SNRNP48: variants seen among roughly 807,000 people sequenced by gnomAD.
SNRNP48 encodes U11/U12 small nuclear ribonucleoprotein 48 kDa protein.
A neutral mutation model predicts 47.0 loss-of-function variants in SNRNP48; 43 were observed. That is an observed-to-expected ratio of 0.92 (90% CI 0.72 to 1.18). SNRNP48 has a LOEUF of 1.18. SNRNP48 is among the 50% of genes most tolerant of loss of function. SNRNP48 has a pLI of 0.00. For synonymous variants in SNRNP48, 138 were observed against 144.0 expected, an observed-to-expected ratio of 0.96 and a Z score of 0.30; for missense variants, 396 against 422.2, an observed-to-expected ratio of 0.94 and a Z score of 0.54.
chr6:7,608,338 C>A (rs1321084788), intron 8 of SNRNP48, among the ~76,000 whole-genome samples: 1 of 152,024 alleles, frequency 6.6e-6, no homozygotes, highest in Non-Finnish European at 1.5e-5. Context: ...GGGTGGATCA[C>A]CTGAGGTCAG....
chr6:7,606,782 C>A (rs555762037), intron 8 of SNRNP48, among the ~76,000 whole-genome samples: 14 of 149,762 alleles, frequency 9.3e-5, no homozygotes, highest in Middle Eastern at 6.8e-3. Flanking sequence ...ACTAAACTTA[C>A]CTTTTTCTCA....
Position 7,608,988 on chromosome 6 carries a change from TTA to T in SNRNP48, c.*117_*118del. The T allele has an allele frequency of 2.0e-6, 1 of 492,924 alleles. No individual in the cohort carries two copies. The highest frequency in any genetic ancestry group is 3.4e-6 in the Non-Finnish European group (1 of 295,440). 30.5% of individuals were successfully genotyped at this position (492,924 alleles called of 1,614,324 possible). ...GTTTTTATGATCTGTTTAGTGCTTA[TTA>T]TTTTTTTTATGATCTGTTTAGTGCT... On this transcript the variant is annotated 3_prime_UTR_variant, in exon 9 of 9. Transcript: ENST00000342415.
At chr6:7,594,223 A>G (rs1213418679) in intron 3 of SNRNP48, 64 bp downstream of exon 3, 10 of 788,740 alleles carry the variant, frequency 1.3e-5, no homozygotes, top group Non-Finnish European at 1.9e-5. Flanking sequence ...TCATTTTTGC[A>G]TTATGAAAAG....
chr6:7,602,954 A>G (rs901950279), intron 6 of SNRNP48, among the ~76,000 whole-genome samples: 2 of 152,190 alleles, frequency 1.3e-5, no homozygotes, highest in Non-Finnish European at 2.9e-5. Context: ...CAATTGTACA[A>G]TCTTAAAAGA....
chr6:7,596,317 A>G (rs1759904436), intron 4 of SNRNP48, among the ~76,000 whole-genome samples: 1 of 152,174 alleles, frequency 6.6e-6, no homozygotes, highest in Non-Finnish European at 1.5e-5. Flanking sequence ...TAAATTTCTA[A>G]TGAATGTAGA....
At chr6:7,598,352 A>C (rs1581835915) in intron 4 of SNRNP48, among the ~76,000 whole-genome samples, 1 of 151,892 alleles carries the variant, frequency 6.6e-6, no homozygotes, top group South Asian at 2.1e-4. Context: ...AAAATTAGCC[A>C]GGCGCTATGG....
rs1005413132 is a variant in SNRNP48, at chr6:7,610,750, A to G, written c.*1877A>G. ...TTTTATAGTATCACTGCTACAAACTATTTAATGAAATGTGGCATCGGGTGA... is the reference window on the plus strand; with the variant it reads ...TTTTATAGTATCACTGCTACAAACTGTTTAATGAAATGTGGCATCGGGTGA... On this transcript the variant is annotated 3_prime_UTR_variant, in exon 9 of 9. Coordinates refer to ENST00000342415, the MANE Select transcript of SNRNP48 (RefSeq NM_152551.4). 3 of 152,192 alleles carry G rather than the reference A, an allele frequency of 2.0e-5. No individual in the cohort carries two copies. Among genetic ancestry groups the G allele is most frequent in the African/African-American group, 7.2e-5 (3 of 41,458 alleles). 9.4% of individuals were successfully genotyped at this position (152,192 alleles called of 1,614,324 possible). A position where few individuals can be genotyped will look rare whatever the true frequency, so the allele number is the denominator to read the frequency against.
intron 4 of SNRNP48, among the ~76,000 whole-genome samples, chr6:7,599,343 A>C (rs1759969180): frequency 6.6e-6 from 1 of 152,182 alleles, no homozygotes; most frequent in African/African-American, 2.4e-5. Context: ...AGTTCTAGAG[A>C]TGGATAGAGG....
chr6:7,608,001 T>C (rs1438965122), intron 8 of SNRNP48, among the ~76,000 whole-genome samples: 1 of 152,246 alleles, frequency 6.6e-6, no homozygotes, highest in Non-Finnish European at 1.5e-5. Flanking sequence ...TAAGTAATTT[T>C]TGACATCTCT....
rs760402453 is a variant in SNRNP48, at chr6:7,605,407, G to C, written c.727G>C (p.Asp243His). 136 of 1,613,870 alleles carry C rather than the reference G, an allele frequency of 8.4e-5. No homozygotes were observed. The highest frequency in any genetic ancestry group is 1.0e-4 in the Non-Finnish European group (123 of 1,179,944). ...GCTTACCTCTCCCAAGGTGATTCGA[G>C]ATGTGATAAATGTGCACATGGAAGA... is the stretch of plus-strand genomic sequence containing the variant. The part of the protein sequence containing the change: ...TKKSYTEVIR[D>H]VINVHMEELS... The change falls in exon 7 of 9, where the codon GAT (aspartate) becomes CAT (histidine). Residue 243 changes from aspartate (D) to histidine (H), a missense_variant. Physicochemically the swap from Asp to His is moderately conservative, Grantham distance 81 (BLOSUM62 -1). Transcript: ENST00000342415.
At chr6:7,595,153 T>A in intron 4 of SNRNP48, 52 bp downstream of exon 4, 1 of 1,434,172 alleles carries the variant, frequency 7.0e-7, no homozygotes, top group South Asian at 1.3e-5. Flanking sequence ...ATTATTTTTC[T>A]CATAAGCATG....
intron 8 of SNRNP48, 22 bp from the exon 9 acceptor site, chr6:7,608,803 T>C (rs769763447): frequency 6.2e-6 from 9 of 1,448,286 alleles, no homozygotes; most frequent in Non-Finnish European, 7.5e-6. Context: ...ATAACCATTT[T>C]TTTATACCTC....
chr6:7,611,520 A>G lies in SNRNP48; in HGVS notation c.*2647A>G, dbSNP rs997597540. 2.0e-5 allele frequency: 3 copies of G among 152,204 alleles called. No individual in the cohort carries two copies. The highest frequency in any genetic ancestry group is 4.4e-5 in the Non-Finnish European group (3 of 68,030). 9.4% of individuals were successfully genotyped at this position (152,204 alleles called of 1,614,324 possible). On this transcript the variant is annotated 3_prime_UTR_variant, in exon 9 of 9. Coordinates refer to ENST00000342415, the MANE Select transcript of SNRNP48 (RefSeq NM_152551.4). ...TCAACTGCCATGCAGAGCCCAGGGCACTGGTTATATTCAGTAGGAAACTGA... is the reference window on the plus strand; with the variant it reads ...TCAACTGCCATGCAGAGCCCAGGGCGCTGGTTATATTCAGTAGGAAACTGA...
At chr6:7,601,973 C>G (rs1760031815) in intron 5 of SNRNP48, among the ~76,000 whole-genome samples, 1 of 152,138 alleles carries the variant, frequency 6.6e-6, no homozygotes, top group Admixed American at 6.5e-5. Context: ...CGTGCCTCAG[C>G]CTCCTGAGTA....
chr6:7,593,060 C>T (rs144278842), intron 1 of SNRNP48, among the ~76,000 whole-genome samples: 2 of 152,026 alleles, frequency 1.3e-5, no homozygotes, highest in Non-Finnish European at 2.9e-5. Flanking sequence ...CTTTAATATA[C>T]GGTACTGGAG....
At chr6:7,592,967 A>C (rs1199495261) in intron 1 of SNRNP48, among the ~76,000 whole-genome samples, 1 of 152,174 alleles carries the variant, frequency 6.6e-6, no homozygotes, top group African/African-American at 2.4e-5. Context: ...ACTGAAATAG[A>C]AAAGTACAAA....
rs1295472549 is a variant in SNRNP48 at position 7,590,280 on chromosome 6, T to C, written c.23T>C (p.Val8Ala). The C allele has an allele frequency of 1.4e-5, 19 of 1,372,986 alleles. No homozygotes were observed. Among genetic ancestry groups the C allele is most frequent in the Non-Finnish European group, 1.8e-5 (19 of 1,052,448 alleles). The allele number at this position is 1,372,986 out of a possible 1,614,324, so 85.1% of individuals were successfully genotyped here. A position where few individuals can be genotyped will look rare whatever the true frequency, so the allele number is the denominator to read the frequency against. MEGEPPP[V>A]EERRRLQEEL... ...GCTATGGAGGGCGAGCCTCCACCTG[T>C]GGAGGAGCGGCGGCGGCTGCAGGAG... is the stretch of plus-strand genomic sequence containing the variant. The change falls in exon 1 of 9, where the codon GTG becomes GCG. Residue 8 changes from valine to alanine, a missense_variant. Val to Ala is a moderately conservative substitution (Grantham distance 64). Transcript: ENST00000342415.
rs1317229970 is a variant in SNRNP48, at chr6:7,610,144, G to A, written c.*1271G>A. The A allele has an allele frequency of 2.0e-5, 3 of 152,164 alleles. No homozygotes were observed. Among genetic ancestry groups the A allele is most frequent in the African/African-American group, 7.2e-5 (3 of 41,436 alleles). The allele number at this position is 152,164 out of a possible 1,614,324, so 9.4% of individuals were successfully genotyped here. A position where few individuals can be genotyped will look rare whatever the true frequency, so the allele number is the denominator to read the frequency against. ...TTCACGTGAGACTTTGGCATGAAAT[G>A]TTAAGCATCCGACATCTAAATAGCA... On this transcript the variant is annotated 3_prime_UTR_variant, in exon 9 of 9. Transcript: ENST00000342415.
Position 7,608,977 on chromosome 6 carries a change from T to A in SNRNP48, c.*104T>A. On this transcript the variant is annotated 3_prime_UTR_variant, in exon 9 of 9. Transcript: ENST00000342415. ...CATAGGAGAATGTTTTTATGATCTG[T>A]TTAGTGCTTATTATTTTTTTTATGA... The A allele has an allele frequency of 1.8e-6, 1 of 558,188 alleles. No homozygotes were observed. The highest frequency in any genetic ancestry group is 2.9e-6 in the Non-Finnish European group (1 of 346,726). The allele number at this position is 558,188 out of a possible 1,614,324, so 34.6% of individuals were successfully genotyped here.
Sources: gnomAD v4.1 joint callset for allele counts (sites outside exome capture counted in the v4.1 genomes callset) on GRCh38, gnomAD v4.1.1 for gene constraint, MANE v1.5 for transcripts, NCBI Gene and HGNC (gene_info 2026-07-23, HGNC 2026-07-21) for gene names.